The following PCYOX1 variants were observed in gnomAD, a reference collection of about 807,000 sequenced individuals.
PCYOX1 encodes prenylcysteine oxidase 1.
A neutral mutation model predicts 46.4 loss-of-function variants in PCYOX1; 46 were observed. The ratio of observed to expected loss-of-function variants is 0.99; its 90% CI spans 0.78 to 1.27. The LOEUF (loss-of-function observed/expected upper bound fraction) is 1.27. PCYOX1 is among the 50% of genes most tolerant of loss of function. The pLI is 0.00. For missense variants in PCYOX1, 658 were observed against 628.3 expected (o/e 1.05, Z -0.51); for synonymous variants, 220 against 231.8 (o/e 0.95, Z 0.46).
chr2:70,263,125 T>A (rs990732721), intron 3 of PCYOX1, among the ~76,000 whole-genome samples: 1 of 151,882 alleles, frequency 6.6e-6, no homozygotes, highest in Non-Finnish European at 1.5e-5. Flanking sequence ...TCCCAGCTAC[T>A]TGTGAGCCTG....
intron 3 of PCYOX1, among the ~76,000 whole-genome samples, chr2:70,272,374 G>A (rs1408287686): frequency 6.6e-6 from 1 of 151,974 alleles, no homozygotes; most frequent in Non-Finnish European, 1.5e-5. Context: ...CGATCTGCCC[G>A]CCTCAGCCTC....
rs1559038313 is a variant in PCYOX1, at chr2:70,277,128, T to G, written c.1254T>G (p.Ile418Met). 1.9e-6 allele frequency: 3 copies of G among 1,614,180 alleles called. No individual in the cohort carries two copies. Among genetic ancestry groups the G allele is most frequent in the Middle Eastern group, 1.6e-4 (1 of 6,062 alleles). Residue 418 changes from isoleucine (I) to methionine (M), a missense_variant, in exon 6 of 6, where the codon ATT (isoleucine) becomes ATG (methionine). Transcript: ENST00000433351. ...AAGAAACTCTTACTAAAGCACAAAT[T>G]TTAAAGCTCTTTCTGTCCTATGATT... ...FSQETLTKAQ[I>M]LKLFLSYDYA...
At chr2:70,272,228 G>A (rs1696611130) in intron 3 of PCYOX1, among the ~76,000 whole-genome samples, 1 of 150,934 alleles carries the variant, frequency 6.6e-6, no homozygotes, top group Non-Finnish European at 1.5e-5. Context: ...CCAGGTTCAA[G>A]CGATTCTCCT....
chr2:70,275,559 A>C lies in PCYOX1; in HGVS notation c.752A>C (p.Glu251Ala). The change falls in exon 5 of 6, where the codon GAA becomes GCA. Residue 251 changes from glutamate (E) to alanine (A), a missense_variant. By Grantham distance (107) the Glu-to-Ala change is moderately radical. Transcript: ENST00000433351. ...SCSDSGLWAV[E>A]GGNKLVCSGL... ...TCTGATTCTGGCCTTTGGGCAGTAGAAGGTGGCAATAAACTTGTTTGCTCA... is the reference window on the plus strand; with the variant it reads ...TCTGATTCTGGCCTTTGGGCAGTAGCAGGTGGCAATAAACTTGTTTGCTCA... 1 of 1,614,108 alleles carries C rather than the reference A, an allele frequency of 6.2e-7. No individual in the cohort carries two copies. Among genetic ancestry groups the C allele is most frequent in the Non-Finnish European group, 8.5e-7 (1 of 1,179,988 alleles).
chr2:70,267,265 C>T (rs930905800), intron 3 of PCYOX1, among the ~76,000 whole-genome samples: 12 of 151,942 alleles, frequency 7.9e-5, no homozygotes, highest in African/African-American at 1.9e-4. Context: ...ACTTCCTAGA[C>T]GGGATGACGG....
chr2:70,258,283 G>A lies in PCYOX1; in HGVS notation c.112+7G>A. The A allele has an allele frequency of 6.4e-7, 1 of 1,567,878 alleles. No homozygotes were observed. The highest frequency in any genetic ancestry group is 8.6e-7 in the Non-Finnish European group (1 of 1,161,606). Reference sequence around the variant, plus strand: ...GCTCCGCCAGATAAAATCGGTAGGCGAGAAGGGGGCGGCGCGGGAAGGTGC... The same window carrying A: ...GCTCCGCCAGATAAAATCGGTAGGCAAGAAGGGGGCGGCGCGGGAAGGTGC... On this transcript the variant is annotated splice_region_variant and intron_variant, in intron 1 of 5. Coordinates refer to ENST00000433351, the MANE Select transcript of PCYOX1 (RefSeq NM_016297.4).
At chr2:70,263,184 C>T (rs1343814068) in intron 3 of PCYOX1, among the ~76,000 whole-genome samples, 4 of 150,336 alleles carry the variant, frequency 2.7e-5, no homozygotes, top group African/African-American at 7.3e-5. Context: ...CAGTGAGCCA[C>T]GATCGTGCCA....
rs773400089 is a variant in PCYOX1 at position 70,258,205 on chromosome 2, G to C, written c.41G>C (p.Gly14Ala). The change falls in exon 1 of 6, where the codon GGG (glycine) becomes GCG (alanine). Residue 14 changes from glycine to alanine, a missense_variant. By Grantham distance (60) the Gly-to-Ala change is moderately conservative. Coordinates refer to ENST00000433351, the MANE Select transcript of PCYOX1 (RefSeq NM_016297.4). Reference sequence around the variant, plus strand: ...GCGGAGCTCGTCTCCTCGCTGCTGGGGTTGTGGCTGTTGCTGTGCAGCTGC... The same window carrying C: ...GCGGAGCTCGTCTCCTCGCTGCTGGCGTTGTGGCTGTTGCTGTGCAGCTGC... The part of the protein sequence containing the change: ...VVAELVSSLL[G>A]LWLLLCSCGC... 5.6e-6 allele frequency: 9 copies of C among 1,599,478 alleles called. No individual in the cohort carries two copies. In the South Asian group the frequency reaches 9.9e-5, roughly 18 times the overall value.
chr2:70,274,320 C>A (rs1696638062), intron 3 of PCYOX1, among the ~76,000 whole-genome samples: 1 of 151,076 alleles, frequency 6.6e-6, no homozygotes, highest in Admixed American at 6.6e-5. Context: ...GCCTCAGCCT[C>A]CTGAATAGCT....
chr2:70,266,095 C>G (rs1466102915), intron 3 of PCYOX1, among the ~76,000 whole-genome samples: 1 of 152,108 alleles, frequency 6.6e-6, no homozygotes. Flanking sequence ...CACAAGATGT[C>G]CATGTCTTAA....
In PCYOX1 at chr2:70,280,396, TG is replaced by T. The variant is rs1031541812; in HGVS notation, c.*3005del. ...TTTTAATAGAAGAGACTGGTAAAAATGATGCAGGGGCTGAATGAAAGCCAGC... is the reference window on the plus strand; with the variant it reads ...TTTTAATAGAAGAGACTGGTAAAAATATGCAGGGGCTGAATGAAAGCCAGC... On this transcript the variant is annotated 3_prime_UTR_variant, in exon 6 of 6. Transcript: ENST00000433351. 3.3e-5 allele frequency: 5 copies of T among 152,040 alleles called. No individual in the cohort carries two copies. Among genetic ancestry groups the T allele is most frequent in the African/African-American group, 1.2e-4 (5 of 41,380 alleles). The allele number at this position is 152,040 out of a possible 1,614,324, so 9.4% of individuals were successfully genotyped here.
rs1369287640 is a variant in PCYOX1, at chr2:70,277,250, G to T, written c.1376G>T (p.Gly459Val). 2 of 1,614,118 alleles carry T rather than the reference G, an allele frequency of 1.2e-6. No individual in the cohort carries two copies. Among genetic ancestry groups the T allele is most frequent in the Non-Finnish European group, 1.7e-6 (2 of 1,180,028 alleles). The change falls in exon 6 of 6, where the codon GGC becomes GTC. Residue 459 changes from glycine (G) to valine (V), a missense_variant. By Grantham distance (109) the Gly-to-Val change is moderately radical. Coordinates refer to ENST00000433351, the MANE Select transcript of PCYOX1 (RefSeq NM_016297.4). ...CATGATCGACTTTATTACCTCAATG[G>T]CATAGAGTGTGCAGCAAGTGCCATG... ...ILHDRLYYLN[G>V]IECAASAMEM...
chr2:70,269,617 G>A (rs1251506358), intron 3 of PCYOX1, among the ~76,000 whole-genome samples: 1 of 152,176 alleles, frequency 6.6e-6, no homozygotes, highest in Non-Finnish European at 1.5e-5. Flanking sequence ...GATTACAGGC[G>A]TGAGCCACTG....
intron 2 of PCYOX1, among the ~76,000 whole-genome samples, chr2:70,260,533 C>T (rs1331017140): frequency 6.6e-6 from 1 of 152,132 alleles, no homozygotes; most frequent in Non-Finnish European, 1.5e-5. Context: ...CAAAGTGAGA[C>T]CCTATCAAAA....
chr2:70,268,860 T>C (rs935582329), intron 3 of PCYOX1, among the ~76,000 whole-genome samples: 1 of 150,598 alleles, frequency 6.6e-6, no homozygotes, highest in African/African-American at 2.4e-5. Context: ...AGCAAGAAGG[T>C]GGCCATCTGC....
At chr2:70,259,226 T>C (rs1484340019) in intron 1 of PCYOX1, 134 bp from the exon 2 acceptor site, 1 of 747,798 alleles carries the variant, frequency 1.3e-6, no homozygotes, top group African/African-American at 1.7e-5. Context: ...GCTGCAGGTG[T>C]CACTCTTCCC....
intron 2 of PCYOX1, among the ~76,000 whole-genome samples, 160 bp downstream of exon 2, chr2:70,259,726 A>G (rs1559033119): frequency 6.8e-6 from 1 of 146,812 alleles, no homozygotes; most frequent in Non-Finnish European, 1.5e-5. Flanking sequence ...TGCCTGAGTT[A>G]GGAGCAGTTC....
rs577943966 is a variant in PCYOX1, at chr2:70,276,805, G to A, written c.931G>A (p.Val311Ile). Residue 311 changes from valine to isoleucine, a missense_variant, in exon 6 of 6, where the codon GTC becomes ATC. Coordinates refer to ENST00000433351, the MANE Select transcript of PCYOX1 (RefSeq NM_016297.4). ...GACTCGTTCAGACTTCTATGACATCGTCTTGGTGGCCACTCCGTTGAATCG... is the reference window on the plus strand; with the variant it reads ...GACTCGTTCAGACTTCTATGACATCATCTTGGTGGCCACTCCGTTGAATCG... ...TETRSDFYDI[V>I]LVATPLNRKM... The A allele has an allele frequency of 1.9e-5, 31 of 1,612,716 alleles. No individual in the cohort carries two copies. Among genetic ancestry groups the A allele is most frequent in the African/African-American group, 1.7e-4 (13 of 74,974 alleles).
intron 5 of PCYOX1, among the ~76,000 whole-genome samples, chr2:70,276,132 G>A (rs902838204): frequency 2.0e-5 from 3 of 149,404 alleles, no homozygotes; most frequent in African/African-American, 7.4e-5. Flanking sequence ...ATTCCCCAGT[G>A]TAGTTAAGTG....
Sources: allele counts gnomAD v4.1 joint callset (sites outside exome capture counted in the v4.1 genomes callset), GRCh38; gene constraint gnomAD v4.1.1; transcripts MANE v1.5; gene names NCBI Gene and HGNC (gene_info 2026-07-23, HGNC 2026-07-21).